The following COL1A2 variants were observed in gnomAD, a reference collection of about 807,000 sequenced individuals.
COL1A2 encodes collagen alpha-2(I) chain.
A neutral mutation model predicts 174.3 loss-of-function variants in COL1A2; 49 were observed. That is an observed-to-expected ratio of 0.28 (90% CI 0.22 to 0.36). The LOEUF is 0.36. Ranked by LOEUF, COL1A2 falls within the 10% of genes least tolerant of loss-of-function variation. The pLI is 1.00. For missense variants in COL1A2, 1,438 were observed against 1,822.7 expected (o/e 0.79, Z 3.84); for synonymous variants, 655 against 606.6 (o/e 1.08, Z -1.17).
In COL1A2 at chr7:94,399,030, G is replaced by A. The variant is rs1360710411; in HGVS notation, c.97-19G>A. 7 of 1,612,530 alleles carry A rather than the reference G, an allele frequency of 4.3e-6. No individual in the cohort carries two copies. Among genetic ancestry groups the A allele is most frequent in the Middle Eastern group, 1.6e-4 (1 of 6,082 alleles). ...CTTCTTAGGCATTTATTATTGTCCT[G>A]TTTGTATCTTTCCTGTAGGGCCCAG... On this transcript the variant is annotated intron_variant, in intron 3 of 51. Transcript: ENST00000297268.
intron 15 of COL1A2, 112 bp downstream of exon 15, chr7:94,408,492 C>T: frequency 7.6e-7 from 1 of 1,317,228 alleles, no homozygotes. Flanking sequence ...ACCAAATGTT[C>T]TGTGAGGTCT....
At chr7:94,414,328 C>G (rs1312665693) in intron 29 of COL1A2, 53 bp downstream of exon 29, 4 of 1,453,840 alleles carry the variant, frequency 2.8e-6, no homozygotes, top group East Asian at 4.5e-5. Context: ...AGAATTTCCC[C>G]CTGTTTAATA....
intron 4 of COL1A2, among the ~76,000 whole-genome samples, chr7:94,399,622 A>G (rs946447432): frequency 2.0e-5 from 3 of 152,212 alleles, no homozygotes; most frequent in Non-Finnish European, 2.9e-5. Context: ...ATGAATACCT[A>G]TATCTTATAT....
rs1562909311 is a variant in COL1A2 at position 94,430,267 on chromosome 7, A to G, written c.3975A>G (p.Gly1325=). 6.2e-7 allele frequency: 1 copy of G among 1,613,974 alleles called. No homozygotes were observed. Among genetic ancestry groups the G allele is most frequent in the Non-Finnish European group, 8.5e-7 (1 of 1,179,880 alleles). Residue 1325 remains glycine, a synonymous_variant, in exon 52 of 52, where the codon GGA becomes GGG. Transcript: ENST00000297268. The stretch of plus-strand genomic sequence containing the variant: ...AACAGAAAAAGACAAATGAATGGGG[A>G]AAGACAATCATTGAATACAAAACAA... ...DGCSKKTNEW[G]KTIIEYKTNK...
At chr7:94,401,682 C>A in intron 6 of COL1A2, 62 bp downstream of exon 6, 2 of 1,203,722 alleles carry the variant, frequency 1.7e-6, no homozygotes, top group Non-Finnish European at 2.4e-6. Context: ...TTTTATGTCA[C>A]ATTTTACCAC....
At chr7:94,409,516 G>A (rs760464744) in intron 17 of COL1A2, 48 bp from the exon 18 acceptor site, 67 of 1,613,236 alleles carry the variant, frequency 4.2e-5, no homozygotes, top group Middle Eastern at 1.7e-4. Context: ...AAGAAGAACC[G>A]AAATATTCCA....
chr7:94,406,351 C>G, intron 12 of COL1A2, 48 bp downstream of exon 12: 1 of 1,553,812 alleles, frequency 6.4e-7, no homozygotes, highest in South Asian at 1.1e-5. Context: ...GATTGAAATT[C>G]CCCATGACCT....
intron 51 of COL1A2, 38 bp downstream of exon 51, chr7:94,429,468 T>C (rs1364661944): frequency 1.2e-6 from 2 of 1,610,634 alleles, no homozygotes; most frequent in Non-Finnish European, 1.7e-6. Context: ...CTTTGGGAAG[T>C]GGGATGGAGG....
In COL1A2 at chr7:94,424,343, C is replaced by T. The variant is rs1281229757; in HGVS notation, c.2573C>T (p.Pro858Leu). Residue 858 changes from proline (P) to leucine (L), a missense_variant, in exon 41 of 52, where the codon CCT becomes CTT. Physicochemically the swap from Pro to Leu is moderately conservative, Grantham distance 98 (BLOSUM62 -3). Coordinates refer to ENST00000297268, the MANE Select transcript of COL1A2 (RefSeq NM_000089.4). The stretch of plus-strand genomic sequence containing the variant: ...TATTTTTTCTCTATTTAGGGACCTC[C>T]TGGCACTCCAGGTCCTCAGGGTCTT... ...PSGEAGTAGP[P>L]GTPGPQGLLG... The T allele has an allele frequency of 1.2e-6, 2 of 1,613,928 alleles. No individual in the cohort carries two copies. The highest frequency in any genetic ancestry group is 1.7e-6 in the Non-Finnish European group (2 of 1,179,944).
chr7:94,406,820 A>G (rs904272996), intron 12 of COL1A2, among the ~76,000 whole-genome samples: 1 of 152,232 alleles, frequency 6.6e-6, no homozygotes, highest in Non-Finnish European at 1.5e-5. Flanking sequence ...CTTCTCTGAC[A>G]GCGTTTTCAA....
intron 18 of COL1A2, 46 bp downstream of exon 18, chr7:94,409,654 G>T: frequency 1.2e-6 from 2 of 1,613,686 alleles, no homozygotes; most frequent in Non-Finnish European, 1.7e-6. Context: ...GATTTTAAAG[G>T]CATTTAATGT....
chr7:94,398,165 G>C (rs942982860), intron 2 of COL1A2, among the ~76,000 whole-genome samples: 3 of 151,948 alleles, frequency 2.0e-5, no homozygotes, highest in Non-Finnish European at 4.4e-5. Flanking sequence ...GTACAGGTAC[G>C]TATTGCTATG....
rs767647161 is a variant in COL1A2 at position 94,418,524 on chromosome 7, T to C, written c.1997T>C (p.Ile666Thr). ...GGTGAACCTGGTCTCAGAGGTGAAATTGGTAACCCTGGCAGAGATGGTGCT... is the reference window on the plus strand; with the variant it reads ...GGTGAACCTGGTCTCAGAGGTGAAACTGGTAACCCTGGCAGAGATGGTGCT... ...EKGEPGLRGE[I>T]GNPGRDGARG... Residue 666 changes from isoleucine to threonine, a missense_variant, in exon 33 of 52, where the codon ATT becomes ACT. Transcript: ENST00000297268. 16 of 1,614,046 alleles carry C rather than the reference T, an allele frequency of 9.9e-6. No homozygotes were observed. The East Asian group carries it at 3.1e-4, about 31-fold the overall frequency.
rs766918040 is a variant in COL1A2, at chr7:94,395,065, C to T, written c.34C>T (p.Leu12=). 1.2e-6 allele frequency: 2 copies of T among 1,614,080 alleles called. No homozygotes were observed. The highest frequency in any genetic ancestry group is 2.2e-5 in the South Asian group (2 of 91,076). Residue 12 remains leucine (L), a synonymous_variant, in exon 1 of 52, where the codon CTG becomes TTG. Coordinates refer to ENST00000297268, the MANE Select transcript of COL1A2 (RefSeq NM_000089.4). ...CTTTGTGGATACGCGGACTTTGTTG[C>T]TGCTTGCAGTAACCTTATGCCTAGC... ...LSFVDTRTLL[L]LAVTLCLATC... is the part of the protein sequence containing the mutation.
chr7:94,418,625 A>C, intron 33 of COL1A2, 73 bp downstream of exon 33: 2 of 1,186,950 alleles, frequency 1.7e-6, no homozygotes, highest in South Asian at 1.3e-5. Flanking sequence ...GAAGTTTTCC[A>C]AATTAGAACT....
Position 94,409,835 on chromosome 7 carries a change from A to T in COL1A2, c.1035+14A>T, listed in dbSNP as rs373841628. 64 of 1,612,438 alleles carry T rather than the reference A, an allele frequency of 4.0e-5. No individual in the cohort carries two copies. Among genetic ancestry groups the T allele is most frequent in the Non-Finnish European group, 5.3e-5 (63 of 1,178,694 alleles). ...AGAGGACTTGTTGTAAGTGGTCATG[A>T]CTGTGGTTCTCATCATCCTGAAATA... On this transcript the variant is annotated intron_variant, in intron 19 of 51. Coordinates refer to ENST00000297268, the MANE Select transcript of COL1A2 (RefSeq NM_000089.4).
At chr7:94,424,233 C>T (rs905982876) in intron 40 of COL1A2, 103 bp from the exon 41 acceptor site, 3 of 951,984 alleles carry the variant, frequency 3.2e-6, no homozygotes, top group African/African-American at 3.2e-5. Context: ...AGGTCATTAG[C>T]CTTTTTCTAA....
chr7:94,425,893 T>G, intron 44 of COL1A2, 36 bp downstream of exon 44: 1 of 1,604,490 alleles, frequency 6.2e-7, no homozygotes. Flanking sequence ...AGTGCAGCAT[T>G]CTCGTGGGCT....
chr7:94,416,505 T>TA lies in COL1A2; in HGVS notation c.1863+6dup. On this transcript the variant is annotated splice_region_variant and intron_variant, in intron 31 of 51. Transcript: ENST00000297268. ...CCCCCAGGGCCTGATGGAAACAAGG[T>TA]AAAATCTTATGTTTTCTATATTGCT... 1 of 1,561,204 alleles carries TA rather than the reference T, an allele frequency of 6.4e-7. No homozygotes were observed. The highest frequency in any genetic ancestry group is 8.7e-7 in the Non-Finnish European group (1 of 1,151,272).
Sources: allele counts gnomAD v4.1 joint callset (sites outside exome capture counted in the v4.1 genomes callset), GRCh38; gene constraint gnomAD v4.1.1; transcripts MANE v1.5; gene names NCBI Gene and HGNC (gene_info 2026-07-23, HGNC 2026-07-21).